AKAP19: variants seen among roughly 807,000 people sequenced by gnomAD.
AKAP19 encodes the protein A-kinase anchoring protein 19, also known as small A-kinase anchoring protein.
chr2:190,040,747 C>T, the AKAP19 span, among the ~76,000 whole-genome samples: 42 of 152,252 alleles, frequency 2.8e-4, no homozygotes, highest in East Asian at 7.9e-3. Context: ...TATGGCTAGC[C>T]AGTTATTCCA....
chr2:190,067,704 T>A, the AKAP19 span, among the ~76,000 whole-genome samples: 1 of 152,184 alleles, frequency 6.6e-6, no homozygotes, highest in Admixed American at 6.5e-5. Context: ...CTGGCAATCC[T>A]CATAATAATG....
At chr2:189,982,047 C>T in the AKAP19 span, among the ~76,000 whole-genome samples, 245 of 152,206 alleles carry the variant, frequency 1.6e-3, 1 homozygote, top group Non-Finnish European at 2.0e-3. Context: ...GGGTGTTGAA[C>T]TGTCTACCCA....
the AKAP19 span, among the ~76,000 whole-genome samples, chr2:189,970,463 C>T: frequency 3.3e-5 from 5 of 152,048 alleles, no homozygotes; most frequent in African/African-American, 1.2e-4. Flanking sequence ...AGTTTTTAAA[C>T]TTAAGGTAAA....
chr2:189,972,434 C>T, the AKAP19 span, among the ~76,000 whole-genome samples: 3 of 152,156 alleles, frequency 2.0e-5, no homozygotes, highest in Non-Finnish European at 4.4e-5. Context: ...CAGCTCTGTT[C>T]TTTTGGCTTA....
At chr2:190,099,037 G>C in the AKAP19 span, among the ~76,000 whole-genome samples, 1 of 152,196 alleles carries the variant, frequency 6.6e-6, no homozygotes, top group Non-Finnish European at 1.5e-5. Context: ...TGGCTGGTTT[G>C]ATCTTCTGTC....
the AKAP19 span, among the ~76,000 whole-genome samples, chr2:190,030,021 C>A: frequency 6.6e-6 from 1 of 152,108 alleles, no homozygotes; most frequent in South Asian, 2.1e-4. Context: ...AAAGACAGAG[C>A]CTATTTACCC....
chr2:190,155,883 A>T, the AKAP19 span, among the ~76,000 whole-genome samples: 1 of 152,220 alleles, frequency 6.6e-6, no homozygotes, highest in South Asian at 2.1e-4. Context: ...ATACATAAGG[A>T]CATTAAATAA....
chr2:190,076,706 T>G, the AKAP19 span, among the ~76,000 whole-genome samples: 1 of 152,210 alleles, frequency 6.6e-6, no homozygotes, highest in Non-Finnish European at 1.5e-5. Flanking sequence ...TAAGATTTTC[T>G]CTTTGTCAGT....
the AKAP19 span, among the ~76,000 whole-genome samples, chr2:189,906,004 T>C: frequency 5.9e-5 from 9 of 152,102 alleles, no homozygotes; most frequent in Admixed American, 2.6e-4. Flanking sequence ...CATGGTAGAC[T>C]TTGCATTTTA....
chr2:190,128,636 A>G, the AKAP19 span, among the ~76,000 whole-genome samples: 88,688 of 152,086 alleles, frequency 0.58, 26,524 homozygotes, highest in Middle Eastern at 0.69. Flanking sequence ...CTTAATAAAT[A>G]TATTGCTTTT....
chr2:190,148,760 C>T, the AKAP19 span, among the ~76,000 whole-genome samples: 1 of 152,086 alleles, frequency 6.6e-6, no homozygotes, highest in Non-Finnish European at 1.5e-5. Flanking sequence ...AGGAACTTAC[C>T]CATCTCTTCT....
At chr2:190,034,882 G>GAAAAAAAAAAAAAAAAAAAAAAAAA in the AKAP19 span, among the ~76,000 whole-genome samples, 1 of 121,866 alleles carries the variant, frequency 8.2e-6, no homozygotes, top group Admixed American at 8.3e-5. Context: ...AAAAAAAAAG[G>GAAAAAAAAAAAAAAAAAAAAAAAAA]AAAAAAATGC....
chr2:190,098,710 G>A, the AKAP19 span, among the ~76,000 whole-genome samples: 1 of 152,178 alleles, frequency 6.6e-6, no homozygotes, highest in Non-Finnish European at 1.5e-5. Context: ...CTCTAGCTAT[G>A]AAAGTCCTAG....
the AKAP19 span, among the ~76,000 whole-genome samples, chr2:190,013,672 T>A: frequency 2.0e-5 from 3 of 151,948 alleles, no homozygotes; most frequent in Non-Finnish European, 4.4e-5. Context: ...CCTGCCACCA[T>A]GCCTGGCTAA....
the AKAP19 span, among the ~76,000 whole-genome samples, chr2:189,993,212 G>A: frequency 6.6e-6 from 1 of 152,210 alleles, no homozygotes; most frequent in African/African-American, 2.4e-5. Context: ...TTTGCTGAGG[G>A]TTTTAATCAT....
the AKAP19 span, among the ~76,000 whole-genome samples, chr2:189,893,724 A>G: frequency 6.6e-6 from 1 of 152,132 alleles, no homozygotes; most frequent in Non-Finnish European, 1.5e-5. Flanking sequence ...CTCTCTAACC[A>G]TGGGTTCTGC....
chr2:190,127,657 C>T, the AKAP19 span, among the ~76,000 whole-genome samples: 436 of 152,142 alleles, frequency 2.9e-3, no homozygotes, highest in Non-Finnish European at 4.8e-3. Flanking sequence ...TGAGTCAAAC[C>T]ATACCAAGAA....
the AKAP19 span, among the ~76,000 whole-genome samples, chr2:190,147,338 T>C: frequency 6.6e-6 from 1 of 152,352 alleles, no homozygotes; most frequent in East Asian, 1.9e-4. Flanking sequence ...CTGGATTCTC[T>C]ATTCTGTTCC....
chr2:190,106,807 A>G, the AKAP19 span, among the ~76,000 whole-genome samples: 2 of 152,210 alleles, frequency 1.3e-5, no homozygotes, highest in Non-Finnish European at 2.9e-5. Flanking sequence ...CTACTTCACT[A>G]TAATGTGTTT....
Sources: allele counts gnomAD v4.1 joint callset (sites outside exome capture counted in the v4.1 genomes callset), GRCh38; gene constraint gnomAD v4.1.1; transcripts MANE v1.5; gene names NCBI Gene and HGNC (gene_info 2026-07-23, HGNC 2026-07-21).